The following NEK6 variants were observed in gnomAD, a reference collection of about 807,000 sequenced individuals.
The protein encoded by NEK6 is serine/threonine-protein kinase Nek6.
In NEK6, 27 loss-of-function variants were observed where a neutral mutation model predicts 43.5. That is an observed-to-expected ratio of 0.62 (90% CI 0.46 to 0.86). NEK6 has a LOEUF of 0.86. NEK6 is among the 40% of genes least tolerant of loss of function. The pLI is 0.00. For missense variants in NEK6, 318 were observed against 414.4 expected (o/e 0.77, Z 2.02); for synonymous variants, 167 against 164.1 (o/e 1.02, Z -0.14).
chr9:124,292,314 A>T (rs1333574908), intron 1 of NEK6: 1 of 1,404,816 alleles, frequency 7.1e-7, no homozygotes, highest in Non-Finnish European at 9.4e-7. Flanking sequence ...AGCCTGGGAC[A>T]GGGGTGGCTG....
At chr9:124,310,392 T>C (rs1439010281) in intron 2 of NEK6, among the ~76,000 whole-genome samples, 4 of 152,210 alleles carry the variant, frequency 2.6e-5, no homozygotes, top group Non-Finnish European at 4.4e-5. Flanking sequence ...CATTGGCACA[T>C]GGTGGATAAA....
chr9:124,311,197 G>A (rs62583812), intron 2 of NEK6, among the ~76,000 whole-genome samples: 8,463 of 152,264 alleles, frequency 0.056, 353 homozygotes, highest in Non-Finnish European at 0.084. Context: ...GATGCCTTCC[G>A]CCAGGGTGCT....
At position 124,326,548 on chromosome 9, in the gene NEK6, C is replaced by T. The variant is rs1834348775; in HGVS notation, c.514+110C>T. 5 of 769,190 alleles carry T rather than the reference C, an allele frequency of 6.5e-6. No individual in the cohort carries two copies. In the East Asian group the frequency reaches 1.3e-4, roughly 20 times the overall value. 47.6% of individuals were successfully genotyped at this position (769,190 alleles called of 1,614,324 possible). On this transcript the variant is annotated intron_variant, in intron 6 of 9. Coordinates refer to ENST00000320246, the MANE Select transcript of NEK6 (RefSeq NM_014397.6). This position sits in a 1 kb window ranked among gnomAD's most constrained non-coding sequence, Gnocchi z 4.5. Reference sequence around the variant, plus strand: ...GCAGCCCCTTGAGGAAGTTGGACCGCTCTGTATTCCCCAGGCAAGGGGGCT... The same window carrying T: ...GCAGCCCCTTGAGGAAGTTGGACCGTTCTGTATTCCCCAGGCAAGGGGGCT...
chr9:124,333,351 T>A (rs1829111498), intron 7 of NEK6, among the ~76,000 whole-genome samples: 1 of 152,074 alleles, frequency 6.6e-6, no homozygotes, highest in Non-Finnish European at 1.5e-5. Flanking sequence ...CTAGCTGCAG[T>A]CCAGGACACC....
chr9:124,314,080 C>T, intron 4 of NEK6, 95 bp downstream of exon 4: 1 of 1,049,080 alleles, frequency 9.5e-7, no homozygotes, highest in Non-Finnish European at 1.4e-6. Flanking sequence ...CCTTGGGTGC[C>T]AGGAATCCGC....
At chr9:124,341,073 A>C (rs1349265765) in intron 8 of NEK6, among the ~76,000 whole-genome samples, 1 of 151,860 alleles carries the variant, frequency 6.6e-6, no homozygotes, top group Non-Finnish European at 1.5e-5. Flanking sequence ...ACAGAGTCTC[A>C]CTCTTGTCGC....
rs113100449 is a variant in NEK6, at chr9:124,350,706, A to G, written c.832-131A>G. 2.3e-3 allele frequency: 1,646 copies of G among 715,750 alleles called. 14 individuals carry two copies. The African/African-American group carries it at 0.025, about 11-fold the overall frequency. 44.3% of individuals were successfully genotyped at this position (715,750 alleles called of 1,614,324 possible). On this transcript the variant is annotated intron_variant, in intron 9 of 9. Coordinates refer to ENST00000320246, the MANE Select transcript of NEK6 (RefSeq NM_014397.6). ...TTGCCCCAGCTAAACACCGTTCTTC[A>G]GCTCTAACGGGGACAACGGGACCAT...
intron 1 of NEK6, among the ~76,000 whole-genome samples, chr9:124,295,152 C>T (rs930697740): frequency 3.9e-5 from 6 of 152,252 alleles, no homozygotes; most frequent in African/African-American, 1.2e-4. Flanking sequence ...GGCCACCTTC[C>T]AGGAGTGGCT....
intron 8 of NEK6, among the ~76,000 whole-genome samples, chr9:124,344,868 C>T (rs985906889): frequency 6.6e-6 from 1 of 152,212 alleles, no homozygotes; most frequent in Non-Finnish European, 1.5e-5. Context: ...TGGAATGCTG[C>T]TTGGACGGCA....
At chr9:124,320,710 A>C (rs1321539940) in intron 4 of NEK6, among the ~76,000 whole-genome samples, 1 of 152,198 alleles carries the variant, frequency 6.6e-6, no homozygotes. Context: ...TGCAGCAAAC[A>C]TGCAGGCGGT....
rs1834336107 is a variant in NEK6 at position 124,326,341 on chromosome 9, G to A, written c.417G>A (p.Lys139=). ...DLSQMIKYFK[K]QKRLIPERTV... is the part of the protein sequence containing the mutation. ...CTCCCCCACTGCAGTACTTTAAGAA[G>A]CAGAAGCGGCTCATCCCGGAGAGGA... is the stretch of plus-strand genomic sequence containing the variant. Residue 139 remains lysine (K), a synonymous_variant, in exon 6 of 10, where the codon AAG becomes AAA. Coordinates refer to ENST00000320246, the MANE Select transcript of NEK6 (RefSeq NM_014397.6). This position sits in a 1 kb window ranked among gnomAD's most constrained non-coding sequence, Gnocchi z 4.5. 6.2e-7 allele frequency: 1 copy of A among 1,610,856 alleles called. No individual in the cohort carries two copies. The highest frequency in any genetic ancestry group is 8.5e-7 in the Non-Finnish European group (1 of 1,179,764).
chr9:124,257,919 G>A (rs1158309795), upstream of NEK6: 2 of 967,200 alleles, frequency 2.1e-6, no homozygotes, highest in Non-Finnish European at 2.4e-6. Context: ...GCGGGGAGGG[G>A]CGGGCGCGCG....
intron 8 of NEK6, among the ~76,000 whole-genome samples, chr9:124,345,309 T>G (rs1829862299): frequency 6.6e-6 from 1 of 152,174 alleles, no homozygotes; most frequent in East Asian, 1.9e-4. Context: ...GCCCAGAGCT[T>G]TCTTCACAGC....
intron 8 of NEK6, among the ~76,000 whole-genome samples, chr9:124,344,137 T>C (rs1270771684): frequency 1.3e-5 from 2 of 152,104 alleles, no homozygotes; most frequent in Non-Finnish European, 2.9e-5. Context: ...CCTGGCGTCT[T>C]CCCCTCTTCT....
At chr9:124,315,284 A>G (rs1009878057) in intron 4 of NEK6, among the ~76,000 whole-genome samples, 1 of 152,204 alleles carries the variant, frequency 6.6e-6, no homozygotes, top group East Asian at 1.9e-4. Context: ...GCCTTCTTCC[A>G]GGCACCGCAG....
intron 5 of NEK6, 74 bp downstream of exon 5, chr9:124,321,643 C>A: frequency 2.0e-6 from 2 of 1,006,978 alleles, no homozygotes; most frequent in Non-Finnish European, 3.1e-6. Context: ...TTCCTTTAGC[C>A]CAGTCCCACA....
At chr9:124,335,536 T>C (rs1009359600) in intron 7 of NEK6, among the ~76,000 whole-genome samples, 2 of 152,200 alleles carry the variant, frequency 1.3e-5, no homozygotes, top group Non-Finnish European at 2.9e-5. Flanking sequence ...ACAGTTGAGC[T>C]CCGGGCAGCC....
At chr9:124,314,843 A>G (rs1444597167) in intron 4 of NEK6, among the ~76,000 whole-genome samples, 1 of 152,118 alleles carries the variant, frequency 6.6e-6, no homozygotes, top group Non-Finnish European at 1.5e-5. Flanking sequence ...TATTTTTAGT[A>G]GAGACAGCGT....
At chr9:124,322,675 C>T (rs1834131299) in intron 5 of NEK6, among the ~76,000 whole-genome samples, 2 of 152,356 alleles carry the variant, frequency 1.3e-5, no homozygotes, top group South Asian at 2.1e-4. Context: ...GCCCCATCAC[C>T]TCTCTACCCT....
Sources: gnomAD v4.1 joint callset for allele counts (sites outside exome capture counted in the v4.1 genomes callset) on GRCh38, gnomAD v4.1.1 for gene constraint, Gnocchi (gnomAD v3.1) non-coding constraint, MANE v1.5 for transcripts, NCBI Gene and HGNC (gene_info 2026-07-23, HGNC 2026-07-21) for gene names.